Variants in CNTN5 observed in about 807,000 individuals in gnomAD.
CNTN5 encodes contactin-5.
A neutral mutation model predicts 129.1 loss-of-function variants in CNTN5; 77 were observed. The ratio of observed to expected loss-of-function variants is 0.60; its 90% CI spans 0.50 to 0.72. The LOEUF (loss-of-function observed/expected upper bound fraction) is 0.72. CNTN5 is among the 30% of genes least tolerant of loss of function. The pLI is 0.00. For missense variants in CNTN5, 1,478 were observed against 1,328.8 expected (o/e 1.11, Z -1.75); for synonymous variants, 509 against 465.6 (o/e 1.09, Z -1.20).
In CNTN5 at chr11:99,845,225, G is replaced by A. The variant is rs1164296393; in HGVS notation, c.540G>A (p.Gly180=). 1.2e-6 allele frequency: 2 copies of A among 1,613,324 alleles called. No homozygotes were observed. The highest frequency in any genetic ancestry group is 1.3e-5 in the African/African-American group (1 of 74,964). Residue 180 remains glycine, a synonymous_variant, in exon 6 of 25, where the codon GGG becomes GGA. Coordinates refer to ENST00000524871, the MANE Select transcript of CNTN5 (RefSeq NM_014361.4). ...AGTGTTTAGCAACCAACACTGTGGGGAGTATTCTTAGTAGAGAAGCTACAC... is the reference window on the plus strand; with the variant it reads ...AGTGTTTAGCAACCAACACTGTGGGAAGTATTCTTAGTAGAGAAGCTACAC... ...HYQCLATNTV[G]SILSREATLQ...
intron 1 of CNTN5, among the ~76,000 whole-genome samples, chr11:99,173,075 T>C (rs1056699056): frequency 2.6e-5 from 4 of 152,158 alleles, no homozygotes; most frequent in African/African-American, 9.7e-5. Flanking sequence ...CCATCAGATC[T>C]TGTGAGACCC....
intron 21 of CNTN5, among the ~76,000 whole-genome samples, chr11:100,320,546 T>A (rs1951669533): frequency 6.6e-6 from 1 of 152,202 alleles, no homozygotes; most frequent in African/African-American, 2.4e-5. Flanking sequence ...TGTAGTTTGA[T>A]GTAATCCCAT....
intron 1 of CNTN5, among the ~76,000 whole-genome samples, chr11:99,117,822 T>G (rs77121865): frequency 0.034 from 5,183 of 152,156 alleles, 296 homozygotes; most frequent in African/African-American, 0.12. Context: ...TTCTTCCTGG[T>G]GAGGAAGAGC....
At chr11:99,365,512 G>C (rs1939391492) in intron 2 of CNTN5, among the ~76,000 whole-genome samples, 1 of 152,110 alleles carries the variant, frequency 6.6e-6, no homozygotes, top group Non-Finnish European at 1.5e-5. Context: ...AGCCACTCCA[G>C]TATTAAAGCT....
intron 20 of CNTN5, among the ~76,000 whole-genome samples, chr11:100,302,027 A>G (rs1351026873): frequency 6.6e-6 from 1 of 151,610 alleles, no homozygotes; most frequent in African/African-American, 2.4e-5. Context: ...TGAGTGAAAG[A>G]GTGAGACCTT....
chr11:99,674,593 C>T (rs943340973), intron 3 of CNTN5, among the ~76,000 whole-genome samples: 1 of 152,092 alleles, frequency 6.6e-6, no homozygotes, highest in African/African-American at 2.4e-5. Flanking sequence ...GCTGCAAATA[C>T]CAGGATGCAA....
chr11:99,912,191 GA>G (rs1008450425), intron 6 of CNTN5, among the ~76,000 whole-genome samples: 1 of 151,768 alleles, frequency 6.6e-6, no homozygotes, highest in Non-Finnish European at 1.5e-5. Context: ...GGAAAGGGAA[GA>G]AAAAAGGAAG....
At chr11:99,326,250 T>A (rs1195241837) in intron 2 of CNTN5, among the ~76,000 whole-genome samples, 1 of 152,222 alleles carries the variant, frequency 6.6e-6, no homozygotes, top group African/African-American at 2.4e-5. Context: ...ACTTCTGATG[T>A]ACTTTTTAGA....
intron 2 of CNTN5, among the ~76,000 whole-genome samples, chr11:99,498,984 T>C (rs185422030): frequency 6.6e-6 from 1 of 152,290 alleles, no homozygotes; most frequent in Admixed American, 6.5e-5. Flanking sequence ...AAGGCAGCTC[T>C]ACCTCTGATG....
At chr11:99,883,049 TCA>T (rs1948812582) in intron 6 of CNTN5, among the ~76,000 whole-genome samples, 1 of 152,200 alleles carries the variant, frequency 6.6e-6, no homozygotes, top group African/African-American at 2.4e-5. Context: ...TGAAATAATC[TCA>T]TTCTTTTTTC....
At chr11:99,274,604 C>A (rs1863335808) in intron 1 of CNTN5, among the ~76,000 whole-genome samples, 1 of 151,366 alleles carries the variant, frequency 6.6e-6, no homozygotes, top group African/African-American at 2.4e-5. Context: ...AGTGAGGTAG[C>A]AATCCTCATC....
chr11:99,361,301 G>GT (rs1431685747), intron 2 of CNTN5, among the ~76,000 whole-genome samples: 1 of 151,990 alleles, frequency 6.6e-6, no homozygotes, highest in African/African-American at 2.4e-5. Flanking sequence ...CCAATACCCA[G>GT]TTTAACACAT....
chr11:99,229,951 A>C (rs1860902622), intron 1 of CNTN5, among the ~76,000 whole-genome samples: 1 of 151,866 alleles, frequency 6.6e-6, no homozygotes. Context: ...AAAATAAGAA[A>C]ACTTCCTCAT....
intron 8 of CNTN5, among the ~76,000 whole-genome samples, chr11:99,987,496 T>C (rs1938762436): frequency 1.3e-5 from 2 of 148,480 alleles, no homozygotes; most frequent in Non-Finnish European, 3.0e-5. Context: ...TATATTTACA[T>C]TATATATACT....
intron 3 of CNTN5, among the ~76,000 whole-genome samples, chr11:99,596,432 T>C (rs1173165373): frequency 6.6e-6 from 1 of 152,156 alleles, no homozygotes; most frequent in Non-Finnish European, 1.5e-5. Flanking sequence ...AGGGCTACTA[T>C]CTCTTATGTG....
At chr11:99,348,121 C>T (rs1275031793) in intron 2 of CNTN5, among the ~76,000 whole-genome samples, 3 of 152,186 alleles carry the variant, frequency 2.0e-5, no homozygotes, top group East Asian at 1.9e-4. Flanking sequence ...TAGCGGATCA[C>T]GAGGTCAGGA....
intron 2 of CNTN5, among the ~76,000 whole-genome samples, chr11:99,463,525 G>A (rs1036093304): frequency 2.0e-5 from 3 of 148,574 alleles, no homozygotes; most frequent in African/African-American, 7.5e-5. Flanking sequence ...CTTAAAAAAT[G>A]TCTGCTATTC....
At chr11:99,992,715 G>A (rs766939586) in intron 8 of CNTN5, among the ~76,000 whole-genome samples, 65 of 152,160 alleles carry the variant, frequency 4.3e-4, no homozygotes, top group Middle Eastern at 3.4e-3. Context: ...TCTAAATTAC[G>A]TGCCACTTAG....
chr11:99,927,967 A>G (rs1950101798), intron 7 of CNTN5, among the ~76,000 whole-genome samples: 3 of 152,174 alleles, frequency 2.0e-5, no homozygotes, highest in Admixed American at 2.0e-4. Flanking sequence ...GTTACTTCCT[A>G]CATACTATGG....
Sources: gnomAD v4.1 joint callset for allele counts (sites outside exome capture counted in the v4.1 genomes callset) on GRCh38, gnomAD v4.1.1 for gene constraint, MANE v1.5 for transcripts, NCBI Gene and HGNC (gene_info 2026-07-23, HGNC 2026-07-21) for gene names.